SYNPR: variants seen among roughly 807,000 people sequenced by gnomAD.
SYNPR encodes synaptoporin.
Under a neutral mutation model 32.9 loss-of-function variants are expected in SYNPR, and 23 were observed. That is an observed-to-expected ratio of 0.70 (90% CI 0.50 to 0.99). The LOEUF (loss-of-function observed/expected upper bound fraction) is 0.99, where lower values mean the gene tolerates loss of function less well. Ranked by LOEUF, SYNPR falls within the 50% of genes least tolerant of loss-of-function variation. SYNPR has a pLI of 0.00. For missense variants in SYNPR, 318 were observed against 349.3 expected (o/e 0.91, Z 0.71); for synonymous variants, 146 against 135.9 (o/e 1.07, Z -0.52).
chr3:63,297,511 T>C (rs1211209996), intron 2 of SYNPR, among the ~76,000 whole-genome samples: 4 of 152,238 alleles, frequency 2.6e-5, no homozygotes, highest in Non-Finnish European at 5.9e-5. Context: ...GTTTTAATAA[T>C]GGTATACTTT....
intron 3 of SYNPR, among the ~76,000 whole-genome samples, chr3:63,524,778 C>G (rs942192547): frequency 4.0e-5 from 6 of 151,698 alleles, no homozygotes; most frequent in African/African-American, 1.5e-4. Flanking sequence ...CTATTTTTTA[C>G]TCCCAGCAGA....
intron 2 of SYNPR, among the ~76,000 whole-genome samples, chr3:63,375,226 T>C (rs1353606049): frequency 6.6e-6 from 1 of 152,164 alleles, no homozygotes; most frequent in African/African-American, 2.4e-5. Context: ...ACTGGTTATA[T>C]ACTCAAAGGA....
chr3:63,403,126 C>G (rs2088313930), intron 2 of SYNPR, among the ~76,000 whole-genome samples: 1 of 152,132 alleles, frequency 6.6e-6, no homozygotes, highest in Admixed American at 6.5e-5. Context: ...GCCATTAATT[C>G]TGTAGTTCCT....
chr3:63,410,757 G>A (rs562979698), intron 2 of SYNPR, among the ~76,000 whole-genome samples: 51 of 152,254 alleles, frequency 3.3e-4, no homozygotes, highest in Non-Finnish European at 5.7e-4. Context: ...CTTCAGTTCA[G>A]AAATGAGTAA....
chr3:63,283,623 C>CTTTTTTT (rs10650958), intron 2 of SYNPR, among the ~76,000 whole-genome samples: 3 of 111,528 alleles, frequency 2.7e-5, no homozygotes, highest in African/African-American at 6.9e-5. Flanking sequence ...ACAGATAATT[C>CTTTTTTT]TTTTTTTTTT....
intron 2 of SYNPR, among the ~76,000 whole-genome samples, chr3:63,258,178 C>A (rs2086404582): frequency 6.6e-6 from 1 of 152,178 alleles, no homozygotes; most frequent in Non-Finnish European, 1.5e-5. Context: ...AGAAAGTTAA[C>A]AAGGATATCC....
chr3:63,211,801 T>C, the SYNPR span, among the ~76,000 whole-genome samples: 3 of 141,040 alleles, frequency 2.1e-5, no homozygotes, highest in Non-Finnish European at 3.1e-5. Flanking sequence ...GCTGGTGCGC[T>C]GCACCCACTA....
chr3:63,475,985 T>C (rs1700894416), intron 2 of SYNPR, among the ~76,000 whole-genome samples: 1 of 150,980 alleles, frequency 6.6e-6, no homozygotes, highest in African/African-American at 2.4e-5. Context: ...TCCAAGGTCC[T>C]CCTTCTAAAT....
the SYNPR span, among the ~76,000 whole-genome samples, chr3:63,207,155 T>A: frequency 6.6e-6 from 1 of 152,168 alleles, no homozygotes; most frequent in African/African-American, 2.4e-5. Context: ...TTATAGCTAG[T>A]AAAAGTGCAG....
At chr3:63,338,551 T>C (rs2106997069) in intron 2 of SYNPR, among the ~76,000 whole-genome samples, 1 of 152,322 alleles carries the variant, frequency 6.6e-6, no homozygotes. Flanking sequence ...AAGTGGATCC[T>C]TGCCAACAGC....
chr3:63,495,565 C>T (rs141838510), intron 3 of SYNPR, among the ~76,000 whole-genome samples: 21 of 152,260 alleles, frequency 1.4e-4, no homozygotes, highest in East Asian at 3.9e-4. Flanking sequence ...TCTCTGTACA[C>T]GTGTTTTATT....
chr3:63,371,893 G>A (rs182511098), intron 2 of SYNPR, among the ~76,000 whole-genome samples: 324 of 152,260 alleles, frequency 2.1e-3, no homozygotes, highest in African/African-American at 7.6e-3. Flanking sequence ...CTCAGGATGG[G>A]GAAGGAACAA....
intron 3 of SYNPR, among the ~76,000 whole-genome samples, chr3:63,507,908 T>A (rs933167480): frequency 6.6e-6 from 1 of 152,048 alleles, no homozygotes; most frequent in Non-Finnish European, 1.5e-5. Flanking sequence ...GTCACAGGTA[T>A]AATTTTAAGT....
intron 2 of SYNPR, among the ~76,000 whole-genome samples, chr3:63,441,351 G>A (rs780939411): frequency 1.3e-5 from 2 of 152,162 alleles, no homozygotes; most frequent in East Asian, 1.9e-4. Context: ...CAGAGCCAAT[G>A]AGAATTACTC....
intron 3 of SYNPR, among the ~76,000 whole-genome samples, chr3:63,481,858 G>T (rs72885484): frequency 6.6e-6 from 1 of 152,084 alleles, no homozygotes; most frequent in Non-Finnish European, 1.5e-5. Flanking sequence ...GCCAATGGCC[G>T]GGCAGCGGGG....
intron 1 of SYNPR, among the ~76,000 whole-genome samples, chr3:63,241,232 A>T (rs917189004): frequency 6.6e-6 from 1 of 152,108 alleles, no homozygotes; most frequent in African/African-American, 2.4e-5. Flanking sequence ...GAGACCAGAG[A>T]ATGGACCTCC....
At chr3:63,611,477 ACT>A (rs1255615709) in intron 5 of SYNPR, among the ~76,000 whole-genome samples, 2 of 152,220 alleles carry the variant, frequency 1.3e-5, no homozygotes, top group Non-Finnish European at 2.9e-5. Flanking sequence ...TTCAAATCAT[ACT>A]GAGCTAGCTT....
chr3:63,251,775 A>C (rs1307573444), intron 1 of SYNPR, among the ~76,000 whole-genome samples: 3 of 151,930 alleles, frequency 2.0e-5, no homozygotes, highest in Non-Finnish European at 4.4e-5. Flanking sequence ...TGGAAAGACA[A>C]CAACCAAGGA....
chr3:63,496,150 A>T (rs917358065), intron 3 of SYNPR, among the ~76,000 whole-genome samples: 1 of 152,118 alleles, frequency 6.6e-6, no homozygotes, highest in Non-Finnish European at 1.5e-5. Flanking sequence ...AAATCCTATT[A>T]TATAGAAATG....
Sources: gnomAD v4.1 joint callset for allele counts (sites outside exome capture counted in the v4.1 genomes callset) on GRCh38, gnomAD v4.1.1 for gene constraint, MANE v1.5 for transcripts, NCBI Gene and HGNC (gene_info 2026-07-23, HGNC 2026-07-21) for gene names.